The following SPRY3 variants were observed in gnomAD, a reference collection of about 807,000 sequenced individuals.
The protein encoded by SPRY3 is sprouty RTK signaling antagonist 3.
Under a neutral mutation model 20.2 loss-of-function variants are expected in SPRY3, and 15 were observed. The ratio of observed to expected loss-of-function variants is 0.74; its 90% confidence interval spans 0.50 to 1.14. The LOEUF is 1.14. Ranked by LOEUF, SPRY3 falls within the 50% of genes most tolerant of loss-of-function variation. The pLI, the probability that SPRY3 is intolerant of heterozygous loss-of-function variation, is 0.00. For missense variants in SPRY3, 364 were observed against 363.9 expected (o/e 1.00, Z 0.00); for synonymous variants, 143 against 136.5 (o/e 1.05, Z -0.33).
At chrX:155,774,861 C>A in exon 4 of SPRY3, 1 of 1,165,882 alleles carries the variant, frequency 8.6e-7, no homozygotes, top group Non-Finnish European at 1.2e-6. Flanking sequence ...TCTTTTGTTC[C>A]TGCAGTGTCA....
chrX:155,722,565 C>T (rs181325456), intron 2 of SPRY3, among the ~76,000 whole-genome samples: 1 of 151,692 alleles, frequency 6.6e-6, no homozygotes, highest in African/African-American at 2.4e-5. Context: ...ATCATATTAA[C>T]CGAGAAAATT....
chrX:155,631,473 G>T (rs1204534866), intron 1 of SPRY3, among the ~76,000 whole-genome samples: 1 of 112,186 alleles, frequency 8.9e-6, no homozygotes, highest in African/African-American at 3.2e-5. Flanking sequence ...TAATGGAATT[G>T]CTGGATCAAA....
At chrX:155,683,370 C>A (rs764196063) in intron 2 of SPRY3, among the ~76,000 whole-genome samples, 1 of 112,112 alleles carries the variant, frequency 8.9e-6, no homozygotes, top group South Asian at 3.8e-4. Context: ...GCAACCACCA[C>A]CCTGATCAGT....
intron 2 of SPRY3, among the ~76,000 whole-genome samples, chrX:155,669,529 A>C (rs2068033939): frequency 1.8e-5 from 2 of 111,431 alleles, no homozygotes; most frequent in South Asian, 7.4e-4. Flanking sequence ...AAAACCCTGT[A>C]GATTAATCTC....
intron 1 of SPRY3, among the ~76,000 whole-genome samples, chrX:155,626,288 C>A (rs960734022): frequency 3.6e-5 from 4 of 111,440 alleles, no homozygotes; most frequent in Non-Finnish European, 7.6e-5. Flanking sequence ...ATTTTTATTT[C>A]TCTAGGGACT....
intron 1 of SPRY3, chrX:155,612,860 G>A (rs2067834443): frequency 8.9e-6 from 1 of 112,169 alleles, no homozygotes; most frequent in African/African-American, 3.2e-5. Context: ...AGTCTCGGGA[G>A]GCAGCCTTTC....
intron 2 of SPRY3, among the ~76,000 whole-genome samples, chrX:155,735,370 A>C (rs1014976330): frequency 2.0e-4 from 31 of 152,044 alleles, no homozygotes; most frequent in African/African-American, 7.2e-4. Flanking sequence ...CAGTCCAATT[A>C]TATCCTGATT....
chrX:155,714,589 A>G (rs886586220), intron 2 of SPRY3, among the ~76,000 whole-genome samples: 5 of 152,124 alleles, frequency 3.3e-5, no homozygotes, highest in Non-Finnish European at 7.4e-5. Flanking sequence ...TGTGGCCACC[A>G]CTAGAGGAAC....
intron 2 of SPRY3, among the ~76,000 whole-genome samples, chrX:155,728,310 A>G (rs1396142339): frequency 6.6e-6 from 1 of 152,166 alleles, no homozygotes; most frequent in Non-Finnish European, 1.5e-5. Context: ...TCAGAGCTCA[A>G]ACGCCATACT....
intron 3 of SPRY3, among the ~76,000 whole-genome samples, chrX:155,768,487 G>C (rs1268709099): frequency 6.6e-6 from 1 of 152,002 alleles, no homozygotes; most frequent in African/African-American, 2.4e-5. Flanking sequence ...CCCAAGCTGA[G>C]GACAGAGAGA....
chrX:155,658,919 T>G (rs1226191099), intron 2 of SPRY3, among the ~76,000 whole-genome samples: 1 of 111,514 alleles, frequency 9.0e-6, no homozygotes, highest in Non-Finnish European at 1.9e-5. Flanking sequence ...ATCAAATGCT[T>G]TTTTGCATCT....
intron 1 of SPRY3, among the ~76,000 whole-genome samples, chrX:155,656,306 T>C (rs1321607228): frequency 9.0e-6 from 1 of 111,176 alleles, no homozygotes; most frequent in Non-Finnish European, 1.9e-5. Context: ...CTTTTTAATC[T>C]TTTTTTCTCT....
At chrX:155,687,807 G>A (rs2068091736) in intron 2 of SPRY3, among the ~76,000 whole-genome samples, 1 of 112,126 alleles carries the variant, frequency 8.9e-6, no homozygotes, top group East Asian at 2.8e-4. Flanking sequence ...GCTTACAAGA[G>A]TGATTGGCCA....
intron 2 of SPRY3, among the ~76,000 whole-genome samples, chrX:155,662,163 C>T (rs1452618205): frequency 1.8e-5 from 2 of 111,393 alleles, no homozygotes; most frequent in Admixed American, 9.6e-5. Context: ...TCTGGATAAG[C>T]TGTCACTTCT....
intron 2 of SPRY3, among the ~76,000 whole-genome samples, chrX:155,726,290 A>G (rs2091096440): frequency 6.6e-6 from 1 of 152,304 alleles, no homozygotes; most frequent in East Asian, 1.9e-4. Flanking sequence ...AAGAATGTAT[A>G]TTCTGTTGAT....
At chrX:155,720,395 C>T (rs1182540793) in intron 2 of SPRY3, among the ~76,000 whole-genome samples, 1 of 152,134 alleles carries the variant, frequency 6.6e-6, no homozygotes, top group Non-Finnish European at 1.5e-5. Context: ...GGGAAGGACA[C>T]AGGCCTGTCT....
intron 2 of SPRY3, among the ~76,000 whole-genome samples, chrX:155,672,512 G>A (rs1319910400): frequency 8.1e-5 from 9 of 111,528 alleles, no homozygotes; most frequent in Non-Finnish European, 1.5e-4. Context: ...AAACCACAAT[G>A]AGATACCATC....
chrX:155,752,762 G>T (rs2091269400), intron 2 of SPRY3, among the ~76,000 whole-genome samples: 1 of 151,862 alleles, frequency 6.6e-6, no homozygotes. Flanking sequence ...TGGTTGGCAA[G>T]AGTGTGAGAA....
intron 2 of SPRY3, among the ~76,000 whole-genome samples, chrX:155,708,035 T>A (rs2090962829): frequency 6.6e-6 from 1 of 151,332 alleles, no homozygotes; most frequent in Non-Finnish European, 1.5e-5. Flanking sequence ...AATATACAAT[T>A]TTAATTCTTC....
Sources: gnomAD v4.1 joint callset for allele counts (sites outside exome capture counted in the v4.1 genomes callset) on GRCh38, gnomAD v4.1.1 for gene constraint, MANE v1.5 for transcripts, NCBI Gene and HGNC (gene_info 2026-07-23, HGNC 2026-07-21) for gene names.